The following CDH8 variants were observed in gnomAD, a reference collection of about 807,000 sequenced individuals.
CDH8 encodes the protein cadherin 8.
CDH8 carries 17 observed loss-of-function variants against 68.1 expected under a neutral mutation model. The ratio of observed to expected loss-of-function variants is 0.25; its 90% CI spans 0.17 to 0.37. The LOEUF (loss-of-function observed/expected upper bound fraction) is 0.37, where lower values mean the gene tolerates loss of function less well. Among genes scored for constraint, CDH8 ranks in the 10% least tolerant of loss-of-function variants. CDH8 has a pLI of 1.00. For synonymous variants in CDH8, 372 were observed against 365.1 expected (o/e 1.02, Z -0.21); for missense variants, 763 against 999.3 (o/e 0.76, Z 3.19).
chr16:61,739,754 G>GAA (rs1030568264), intron 8 of CDH8, among the ~76,000 whole-genome samples: 1 of 147,186 alleles, frequency 6.8e-6, no homozygotes, highest in African/African-American at 2.5e-5. Context: ...GAAAAGAAAA[G>GAA]AAAAGAAAAA....
At chr16:61,907,848 T>A (rs1189462192) in intron 2 of CDH8, among the ~76,000 whole-genome samples, 1 of 151,628 alleles carries the variant, frequency 6.6e-6, no homozygotes, top group Non-Finnish European at 1.5e-5. Flanking sequence ...ATCGAGACCA[T>A]CCTGGCTAAC....
chr16:61,999,904 A>T (rs1457928504), intron 2 of CDH8, among the ~76,000 whole-genome samples: 1 of 152,044 alleles, frequency 6.6e-6, no homozygotes, highest in Non-Finnish European at 1.5e-5. Flanking sequence ...TCAACCCGTC[A>T]TCTAGGTTTT....
rs1965110592 is a variant in CDH8 at position 61,960,258 on chromosome 16, T to TATACATGTGTGTGTGTATACACAC, written c.253-58786_253-58785insGTGTGTATACACACACACATGTAT. ...ATATACATGTGTGTGTGTATACACA[T>TATACATGTGTGTGTGTATACACAC]ACATATATACGTGTGTGTGTATACA... is the stretch of plus-strand genomic sequence containing the variant. On this transcript the variant is annotated intron_variant, in intron 2 of 11. Transcript: ENST00000577390. Among the ~76,000 whole-genome samples, 2 of 51,832 alleles carry TATACATGTGTGTGTGTATACACAC rather than the reference T, an allele frequency of 3.9e-5. 1 individual carries two copies. The highest frequency in any genetic ancestry group is 7.0e-5 in the Non-Finnish European group (2 of 28,584). The allele number at this position is 51,832 out of a possible 152,430, so 34.0% of individuals were successfully genotyped here.
At chr16:61,753,940 T>C (rs1440189786) in intron 8 of CDH8, among the ~76,000 whole-genome samples, 1 of 152,132 alleles carries the variant, frequency 6.6e-6, no homozygotes, top group African/African-American at 2.4e-5. Context: ...TATATTACTT[T>C]TTTATTTGTG....
intron 2 of CDH8, among the ~76,000 whole-genome samples, chr16:61,979,488 G>C (rs995827758): frequency 6.6e-6 from 1 of 152,162 alleles, no homozygotes; most frequent in African/African-American, 2.4e-5. Flanking sequence ...CAAGGCTCTT[G>C]ATCTTACTGG....
intron 8 of CDH8, among the ~76,000 whole-genome samples, chr16:61,762,065 A>C (rs1215091027): frequency 1.3e-5 from 2 of 152,150 alleles, no homozygotes; most frequent in Non-Finnish European, 2.9e-5. Flanking sequence ...GGTTGCCATG[A>C]ACTAAAGACG....
intron 8 of CDH8, among the ~76,000 whole-genome samples, chr16:61,754,467 A>C (rs551351544): frequency 6.6e-6 from 1 of 152,254 alleles, no homozygotes; most frequent in Non-Finnish European, 1.5e-5. Flanking sequence ...CAAAGGAAGA[A>C]TACTACCAGA....
In CDH8 at chr16:61,652,534, A is replaced by C; in HGVS notation, c.*1074T>G. ...TGTTCCTGCCATCTCCAGTTACAAT[A>C]ACACTTTCTACTCTAAAGAGACTAT... On this transcript the variant is annotated 3_prime_UTR_variant, in exon 12 of 12. Transcript: ENST00000577390. 9.7e-7 allele frequency: 1 copy of C among 1,027,070 alleles called. No homozygotes were observed. Among genetic ancestry groups the C allele is most frequent in the Non-Finnish European group, 1.2e-6 (1 of 857,550 alleles). The allele number at this position is 1,027,070 out of a possible 1,614,324, so 63.6% of individuals were successfully genotyped here.
At chr16:61,780,858 G>T (rs767163741) in intron 8 of CDH8, among the ~76,000 whole-genome samples, 1 of 152,004 alleles carries the variant, frequency 6.6e-6, no homozygotes, top group Admixed American at 6.6e-5. Flanking sequence ...TGGTTTAATT[G>T]TACACTTAAA....
intron 2 of CDH8, among the ~76,000 whole-genome samples, chr16:61,927,068 T>C (rs568286382): frequency 6.6e-6 from 1 of 152,326 alleles, no homozygotes; most frequent in Non-Finnish European, 1.5e-5. Context: ...CTTGATTCAC[T>C]TGTCATGTAA....
chr16:61,835,712 C>T (rs1962554989), intron 4 of CDH8, among the ~76,000 whole-genome samples: 1 of 151,968 alleles, frequency 6.6e-6, no homozygotes, highest in African/African-American at 2.4e-5. Context: ...CATGATGGCA[C>T]TATTCTTTCC....
At chr16:61,708,617 A>G (rs1014736294) in intron 10 of CDH8, among the ~76,000 whole-genome samples, 1 of 152,248 alleles carries the variant, frequency 6.6e-6, no homozygotes, top group Non-Finnish European at 1.5e-5. Flanking sequence ...CTGGAAACAC[A>G]AATCTGTTTT....
chr16:61,709,258 C>T (rs1964585470), intron 10 of CDH8, among the ~76,000 whole-genome samples: 1 of 152,152 alleles, frequency 6.6e-6, no homozygotes, highest in Non-Finnish European at 1.5e-5. Context: ...GGTGGCCCTC[C>T]TTGCTATGTA....
chr16:61,858,840 C>T (rs549882246), intron 3 of CDH8, among the ~76,000 whole-genome samples: 6 of 152,216 alleles, frequency 3.9e-5, no homozygotes, highest in South Asian at 2.1e-4. Flanking sequence ...CCCCTGAGAA[C>T]GGAGCCTTAG....
In CDH8 at chr16:61,647,986, C is replaced by T; in HGVS notation, c.*5622G>A. The T allele has an allele frequency of 1.6e-6, 1 of 622,304 alleles. No individual in the cohort carries two copies. Among genetic ancestry groups the T allele is most frequent in the South Asian group, 1.9e-5 (1 of 53,622 alleles). 38.5% of individuals were successfully genotyped at this position (622,304 alleles called of 1,614,324 possible). A position where few individuals can be genotyped will look rare whatever the true frequency, so the allele number is the denominator to read the frequency against. ...ATGTGAATTAGATGGTGGCAGGTAA[C>T]TCAAGTTGGGGAAATAGTACCCAAA... On this transcript the variant is annotated 3_prime_UTR_variant, in exon 12 of 12. Transcript: ENST00000577390.
intron 7 of CDH8, among the ~76,000 whole-genome samples, chr16:61,813,606 G>A (rs764464986): frequency 1.3e-5 from 2 of 152,168 alleles, no homozygotes; most frequent in Non-Finnish European, 2.9e-5. Context: ...CTCCAGTTCC[G>A]TGTCCTAGCC....
At chr16:61,900,157 T>C (rs1360511778) in intron 3 of CDH8, among the ~76,000 whole-genome samples, 3 of 152,164 alleles carry the variant, frequency 2.0e-5, no homozygotes, top group Non-Finnish European at 2.9e-5. Context: ...TTCTCGCAGT[T>C]CCTTTAATGT....
intron 10 of CDH8, among the ~76,000 whole-genome samples, chr16:61,689,058 G>T (rs999713164): frequency 6.6e-6 from 1 of 151,888 alleles, no homozygotes; most frequent in Non-Finnish European, 1.5e-5. Context: ...GAACCCAAAA[G>T]ATTAGAAACA....
intron 10 of CDH8, among the ~76,000 whole-genome samples, chr16:61,695,944 G>A (rs1964317432): frequency 1.3e-5 from 2 of 152,102 alleles, no homozygotes; most frequent in African/African-American, 4.8e-5. Context: ...TGGATTGATA[G>A]CTGCTATCAA....
Sources: allele counts gnomAD v4.1 joint callset (sites outside exome capture counted in the v4.1 genomes callset), GRCh38; gene constraint gnomAD v4.1.1; transcripts MANE v1.5; gene names NCBI Gene and HGNC (gene_info 2026-07-23, HGNC 2026-07-21).